PGR: variants seen among roughly 807,000 people sequenced by gnomAD.
PGR encodes nuclear receptor subfamily 3 group C member 3.
In PGR, 25 loss-of-function variants were observed where a neutral mutation model predicts 76.1. The observed-to-expected ratio is 0.33, with a 90% CI of 0.24 to 0.46. The LOEUF (loss-of-function observed/expected upper bound fraction) is 0.46, where lower values mean the gene tolerates loss of function less well. PGR is among the 20% of genes least tolerant of loss of function. The probability of loss-of-function intolerance (pLI) is 1.00; values close to 1 mark genes in which losing one functional copy is unlikely to be tolerated. For missense variants in PGR, 1,172 were observed against 1,225.3 expected (o/e 0.96, Z 0.65); for synonymous variants, 579 against 535.0 (o/e 1.08, Z -1.14).
chr11:101,071,354 C>T (rs1220348783), intron 3 of PGR, among the ~76,000 whole-genome samples: 1 of 152,124 alleles, frequency 6.6e-6, no homozygotes, highest in Non-Finnish European at 1.5e-5. Context: ...GTAGATAAAT[C>T]CATGAAGATG....
intron 3 of PGR, among the ~76,000 whole-genome samples, chr11:101,074,520 A>C (rs1223456797): frequency 6.6e-6 from 1 of 152,198 alleles, no homozygotes; most frequent in East Asian, 1.9e-4. Flanking sequence ...TCAAATAGGA[A>C]GAGAGGAAGT....
intron 1 of PGR, chr11:101,127,095 C>T: frequency 5.7e-6 from 1 of 174,174 alleles, no homozygotes; most frequent in Non-Finnish European, 1.2e-5. Context: ...TGGGCTACAG[C>T]GGACCTAGTG....
At chr11:101,062,805 C>A in intron 3 of PGR, 53 bp from the exon 4 acceptor site, 1 of 1,200,698 alleles carries the variant, frequency 8.3e-7, no homozygotes, top group South Asian at 1.3e-5. Flanking sequence ...ACTCCATATC[C>A]CAGTATAGTA....
chr11:101,106,923 G>A (rs1269408578), intron 2 of PGR, among the ~76,000 whole-genome samples: 42 of 152,160 alleles, frequency 2.8e-4, no homozygotes, highest in Admixed American at 2.7e-3. Context: ...CAGGGACATG[G>A]ATGAAGCTGG....
chr11:101,087,741 A>C (rs959652476), intron 3 of PGR, among the ~76,000 whole-genome samples: 1 of 151,930 alleles, frequency 6.6e-6, no homozygotes, highest in Non-Finnish European at 1.5e-5. Context: ...AACAAGCAAA[A>C]AAAAAAAATC....
chr11:101,041,662 G>T, intron 7 of PGR: 3 of 340,936 alleles, frequency 8.8e-6, no homozygotes, highest in Admixed American at 4.5e-5. Flanking sequence ...ATAATTTTAG[G>T]CACAAATATT....
chr11:101,128,783 A>C lies in PGR; in HGVS notation c.288T>G (p.Ala96=), dbSNP rs1392858827. 1.2e-6 allele frequency: 2 copies of C among 1,614,014 alleles called. No homozygotes were observed. The highest frequency in any genetic ancestry group is 1.7e-5 in the Admixed American group (1 of 60,016). The change falls in exon 1 of 8, where the codon GCT becomes GCG. Residue 96 remains alanine (A), a synonymous_variant. Coordinates refer to ENST00000325455, the MANE Select transcript of PGR (RefSeq NM_000926.4). ...AYSRAEATRG[A]GGSSSSPPEK... ...CTGGGGGACTAGAACTGCTGCCTCC[A>C]GCACCCCTTGTAGCTTCAGCTCTGG...
At chr11:101,115,910 A>G (rs1437080380) in intron 2 of PGR, among the ~76,000 whole-genome samples, 1 of 152,244 alleles carries the variant, frequency 6.6e-6, no homozygotes, top group Non-Finnish European at 1.5e-5. Flanking sequence ...TCTTAGCTGA[A>G]ATGTATTGGG....
chr11:101,058,904 G>T (rs1467811117), intron 4 of PGR, among the ~76,000 whole-genome samples: 5 of 152,008 alleles, frequency 3.3e-5, no homozygotes, highest in Non-Finnish European at 7.4e-5. Context: ...TCTCCCGAAG[G>T]CCAGTACTTA....
chr11:101,097,192 T>C (rs547497066), intron 2 of PGR, among the ~76,000 whole-genome samples: 1 of 152,302 alleles, frequency 6.6e-6, no homozygotes, highest in South Asian at 2.1e-4. Flanking sequence ...TTCTTTCTAA[T>C]CACATACTCT....
Position 101,128,829 on chromosome 11 carries a change from G to T in PGR, c.242C>A (p.Ser81Ter), listed in dbSNP as rs778465984. The change falls in exon 1 of 8, where the codon TCG becomes TAG. Residue 81 changes from serine (S) to a stop codon, truncating the protein, a stop_gained. Coordinates refer to ENST00000325455, the MANE Select transcript of PGR (RefSeq NM_000926.4). LOFTEE classifies it high-confidence loss of function. Reference sequence around the variant, plus strand: ...TCTGGAATATGCGCCCTCCACGTCCGACAGCGACTGCTGGTCCTGCGTCTT... The same window carrying T: ...TCTGGAATATGCGCCCTCCACGTCCTACAGCGACTGCTGGTCCTGCGTCTT... ...DEKTQDQQSL[S>*]DVEGAYSRAE... 2 of 1,614,182 alleles carry T rather than the reference G, an allele frequency of 1.2e-6. No individual in the cohort carries two copies. Among genetic ancestry groups the T allele is most frequent in the Admixed American group, 1.7e-5 (1 of 60,036 alleles).
chr11:101,105,295 G>C (rs1054074355), intron 2 of PGR, among the ~76,000 whole-genome samples: 2 of 152,070 alleles, frequency 1.3e-5, no homozygotes, highest in Admixed American at 6.6e-5. Context: ...TCTAAGTCGA[G>C]GGCAGACTCT....
chr11:101,093,984 T>C (rs1298455741), intron 2 of PGR, among the ~76,000 whole-genome samples: 2 of 152,170 alleles, frequency 1.3e-5, no homozygotes, highest in African/African-American at 4.8e-5. Flanking sequence ...TCCTTACCAA[T>C]GGTTTTTGCT....
chr11:101,043,603 T>C (rs1859767943), intron 6 of PGR, among the ~76,000 whole-genome samples: 1 of 152,180 alleles, frequency 6.6e-6, no homozygotes, highest in Non-Finnish European at 1.5e-5. Flanking sequence ...GAGGAAACAC[T>C]ATCTATGGCA....
intron 2 of PGR, among the ~76,000 whole-genome samples, chr11:101,101,454 G>A (rs1195545866): frequency 6.6e-6 from 1 of 152,152 alleles, no homozygotes; most frequent in Non-Finnish European, 1.5e-5. Flanking sequence ...CCTCTTGGAA[G>A]AGAGAGAGAA....
At chr11:101,059,590 T>G (rs1198861604) in intron 4 of PGR, among the ~76,000 whole-genome samples, 5 of 151,964 alleles carry the variant, frequency 3.3e-5, no homozygotes, top group Non-Finnish European at 5.9e-5. Flanking sequence ...TTCCAGCACT[T>G]TGGGAGGCTG....
At position 101,059,855 on chromosome 11, in the gene PGR, AAAAAAAG is replaced by A. The variant is rs1360159719; in HGVS notation, c.2212+2585_2212+2591del. Among the ~76,000 whole-genome samples the A allele has an allele frequency of 8.7e-5, 12 of 137,448 alleles. No individual in the cohort carries two copies. The South Asian group carries it at 1.3e-3, about 15-fold the overall frequency. 90.2% of individuals were successfully genotyped at this position (137,448 alleles called of 152,430 possible). A position where few individuals can be genotyped will look rare whatever the true frequency, so the allele number is the denominator to read the frequency against. On this transcript the variant is annotated intron_variant, in intron 4 of 7. Transcript: ENST00000325455. ...GAGACCCTCTCTCAAAAAAAAAAAA[AAAAAAAG>A]AAAAAAAAGAAAAGAAACAAAAGGA...
In PGR at chr11:101,035,228, T is replaced by C. The variant is rs935079867; in HGVS notation, c.*3888A>G. 9 of 222,260 alleles carry C rather than the reference T, an allele frequency of 4.0e-5. No individual in the cohort carries two copies. The highest frequency in any genetic ancestry group is 7.2e-5 in the Non-Finnish European group (8 of 111,294). The allele number at this position is 222,260 out of a possible 1,614,324, so 13.8% of individuals were successfully genotyped here. A position where few individuals can be genotyped will look rare whatever the true frequency, so the allele number is the denominator to read the frequency against. On this transcript the variant is annotated 3_prime_UTR_variant, in exon 8 of 8. Coordinates refer to ENST00000325455, the MANE Select transcript of PGR (RefSeq NM_000926.4). ...ATTGAATACAAAAATAGAGTATCTT[T>C]AAATTTGAAAAAAAATGTATGTTTT...
At chr11:101,072,672 C>A (rs543138464) in intron 3 of PGR, among the ~76,000 whole-genome samples, 2 of 152,124 alleles carry the variant, frequency 1.3e-5, no homozygotes, top group East Asian at 1.9e-4. Context: ...GCAGGGGTTG[C>A]AATCCTAGTC....
Sources: gnomAD v4.1 joint callset for allele counts (sites outside exome capture counted in the v4.1 genomes callset) on GRCh38, gnomAD v4.1.1 for gene constraint, MANE v1.5 for transcripts, NCBI Gene and HGNC (gene_info 2026-07-23, HGNC 2026-07-21) for gene names.